The following SLC6A6 variants were observed in gnomAD, a reference collection of about 807,000 sequenced individuals.
SLC6A6 encodes sodium- and chloride-dependent taurine transporter.
SLC6A6 carries 16 observed loss-of-function variants against 68.8 expected under a neutral mutation model. That is an observed-to-expected ratio of 0.23 (90% CI 0.16 to 0.35). The LOEUF (loss-of-function observed/expected upper bound fraction) is 0.35, where lower values mean the gene tolerates loss of function less well. Ranked by LOEUF, SLC6A6 falls within the 10% of genes least tolerant of loss-of-function variation. The pLI is 1.00. For missense variants in SLC6A6, 474 were observed against 802.8 expected (o/e 0.59, Z 4.95); for synonymous variants, 312 against 315.4 (o/e 0.99, Z 0.12).
At chr3:14,466,284 A>G (rs950221765) in intron 6 of SLC6A6, among the ~76,000 whole-genome samples, 11 of 150,534 alleles carry the variant, frequency 7.3e-5, no homozygotes, top group Admixed American at 2.6e-4. Context: ...AAAAAAAAAA[A>G]AAAAGAAATC....
Position 14,484,966 on chromosome 3 carries a change from C to T in SLC6A6, c.1822C>T (p.Leu608Phe), listed in dbSNP as rs776981870. The change falls in exon 15 of 15, where the codon CTC (leucine) becomes TTC (phenylalanine). Residue 608 changes from leucine (L) to phenylalanine (F), a missense_variant. By Grantham distance (22) the Leu-to-Phe change is conservative. Transcript: ENST00000622186. ...CTCTCGCACCGTCATGAACGGCGCT[C>T]TCGTGAAACCGACCCACATCATTGT... ...YNSRTVMNGA[L>F]VKPTHIIVET... The T allele has an allele frequency of 6.8e-5, 109 of 1,613,110 alleles. No individual in the cohort carries two copies. Among genetic ancestry groups the T allele is most frequent in the Non-Finnish European group, 9.1e-5 (107 of 1,179,858 alleles).
intron 13 of SLC6A6, among the ~76,000 whole-genome samples, chr3:14,480,913 G>T (rs575549799): frequency 6.6e-6 from 1 of 152,310 alleles, no homozygotes; most frequent in South Asian, 2.1e-4. Flanking sequence ...CATTAGCATG[G>T]ACCCAGGGCT....
chr3:14,445,867 A>C lies in SLC6A6; in HGVS notation c.364+16A>C, dbSNP rs1435015502. 1 of 1,613,816 alleles carries C rather than the reference A, an allele frequency of 6.2e-7. No individual in the cohort carries two copies. Among genetic ancestry groups the C allele is most frequent in the Non-Finnish European group, 8.5e-7 (1 of 1,179,728 alleles). On this transcript the variant is annotated intron_variant, in intron 4 of 14. Coordinates refer to ENST00000622186, the MANE Select transcript of SLC6A6 (RefSeq NM_003043.6). Reference sequence around the variant, plus strand: ...TTGTTCTCTGGTGAGTATGGGACGGAGGTCACTTGGGGCCTGGCACTCATC... The same window carrying C: ...TTGTTCTCTGGTGAGTATGGGACGGCGGTCACTTGGGGCCTGGCACTCATC...
chr3:14,466,894 C>T (rs377198983), intron 7 of SLC6A6, among the ~76,000 whole-genome samples: 27 of 152,278 alleles, frequency 1.8e-4, no homozygotes, highest in African/African-American at 6.5e-4. Context: ...TGAGGGTGGC[C>T]ACTTAGAGAG....
intron 2 of SLC6A6, among the ~76,000 whole-genome samples, chr3:14,417,524 G>A (rs2880208): frequency 0.75 from 114,223 of 151,992 alleles, 42,998 homozygotes; most frequent in East Asian, 0.9. Context: ...GAGGTCAGGA[G>A]ATCGAGACCA....
intron 6 of SLC6A6, among the ~76,000 whole-genome samples, chr3:14,461,176 C>T (rs777300142): frequency 2.0e-5 from 3 of 152,212 alleles, no homozygotes; most frequent in Non-Finnish European, 2.9e-5. Flanking sequence ...GTGGCGAAAG[C>T]GCAGTAGCCT....
chr3:14,479,237 G>T (rs757166901), intron 13 of SLC6A6, 52 bp downstream of exon 13: 17 of 1,108,836 alleles, frequency 1.5e-5, no homozygotes, highest in Non-Finnish European at 2.1e-5. Flanking sequence ...CCTGGGGCTT[G>T]ACATTTTCAC....
chr3:14,437,793 T>G (rs1212515190), intron 2 of SLC6A6, among the ~76,000 whole-genome samples: 1 of 146,694 alleles, frequency 6.8e-6, no homozygotes, highest in East Asian at 1.9e-4. Context: ...CCACTTTTTC[T>G]TATTTATTTA....
chr3:14,462,431 C>A (rs2124973305), intron 6 of SLC6A6, among the ~76,000 whole-genome samples: 1 of 152,296 alleles, frequency 6.6e-6, no homozygotes, highest in African/African-American at 2.4e-5. Context: ...AGCACAGTAG[C>A]TCACACCTGT....
chr3:14,461,863 A>T (rs1700503742), intron 6 of SLC6A6, among the ~76,000 whole-genome samples: 1 of 152,036 alleles, frequency 6.6e-6, no homozygotes, highest in South Asian at 2.1e-4. Flanking sequence ...TTACCTCCCA[A>T]AGGATGCCTG....
rs150274009 is a variant in SLC6A6, at chr3:14,480,826, G to C, written c.1552-845G>C. 1.8e-3 allele frequency among the ~76,000 whole-genome samples: 267 copies of C among 152,334 alleles called. 6 individuals carry two copies. The East Asian group carries it at 0.042, about 24-fold the overall frequency. ...CAGCCTTAGGTGCTCTTCTCACAGG[G>C]AAAGGTGGGCTTTGCTCCCTTTAGA... On this transcript the variant is annotated intron_variant, in intron 13 of 14. Transcript: ENST00000622186.
intron 6 of SLC6A6, among the ~76,000 whole-genome samples, chr3:14,464,401 T>C (rs1700567920): frequency 6.6e-6 from 1 of 152,130 alleles, no homozygotes. Flanking sequence ...ATGGAGATAG[T>C]AATACAACTT....
chr3:14,466,435 C>A, intron 6 of SLC6A6, 81 bp from the exon 7 acceptor site: 5 of 1,489,890 alleles, frequency 3.4e-6, no homozygotes. Flanking sequence ...CAGTGCTCCC[C>A]TCTGCCTCTC....
intron 9 of SLC6A6, among the ~76,000 whole-genome samples, chr3:14,469,745 G>C (rs1700709207): frequency 6.6e-6 from 1 of 152,028 alleles, no homozygotes; most frequent in Admixed American, 6.6e-5. Flanking sequence ...AGAGCCCCTG[G>C]CCCCTCCTCA....
intron 2 of SLC6A6, 115 bp downstream of exon 2, chr3:14,416,568 A>G: frequency 5.0e-6 from 2 of 396,452 alleles, no homozygotes; most frequent in Non-Finnish European, 8.9e-6. Context: ...ACAAGACGGG[A>G]CCCCTGAGGC....
chr3:14,470,907 C>T (rs1046163354), intron 9 of SLC6A6, among the ~76,000 whole-genome samples: 2 of 152,334 alleles, frequency 1.3e-5, no homozygotes, highest in Admixed American at 1.3e-4. Flanking sequence ...ACCACTCTGT[C>T]GCTGCCCAAG....
intron 1 of SLC6A6, among the ~76,000 whole-genome samples, chr3:14,408,331 ATC>A (rs10575467): frequency 0.058 from 8,784 of 151,568 alleles, 865 homozygotes; most frequent in African/African-American, 0.2. Context: ...AGTCTATCAT[ATC>A]TCTTTCTTTT....
chr3:14,468,295 A>T lies in SLC6A6; in HGVS notation c.1096+83A>T. 7.9e-7 allele frequency: 1 copy of T among 1,268,780 alleles called. No individual in the cohort carries two copies. Among genetic ancestry groups the T allele is most frequent in the Non-Finnish European group, 1.1e-6 (1 of 934,496 alleles). 78.6% of individuals were successfully genotyped at this position (1,268,780 alleles called of 1,614,324 possible). On this transcript the variant is annotated intron_variant, in intron 9 of 14. Coordinates refer to ENST00000622186, the MANE Select transcript of SLC6A6 (RefSeq NM_003043.6). This position sits in a 1 kb window ranked among gnomAD's most constrained non-coding sequence, Gnocchi z 4.5. The stretch of plus-strand genomic sequence containing the variant: ...TACTGCAGGCATGAAGCCAGACCCC[A>T]GGGGGCTTTGAGGGGGGACGAGCCT...
chr3:14,475,174 G>C (rs951674773), intron 10 of SLC6A6, among the ~76,000 whole-genome samples: 1 of 152,198 alleles, frequency 6.6e-6, no homozygotes, highest in East Asian at 1.9e-4. Flanking sequence ...TGGGATTACA[G>C]GCATGTGCCA....
Sources: allele counts gnomAD v4.1 joint callset (sites outside exome capture counted in the v4.1 genomes callset), GRCh38; gene constraint gnomAD v4.1.1; non-coding constraint Gnocchi (gnomAD v3.1); transcripts MANE v1.5; gene names NCBI Gene and HGNC (gene_info 2026-07-23, HGNC 2026-07-21).